DNAH3: variants seen among roughly 807,000 people sequenced by gnomAD.
DNAH3 encodes the protein axonemal beta dynein heavy chain 3.
In DNAH3, 332 loss-of-function variants were observed where a neutral mutation model predicts 432.5. That is an observed-to-expected ratio of 0.77 (90% CI 0.70 to 0.84). The LOEUF (loss-of-function observed/expected upper bound fraction) is 0.84, where lower values mean the gene tolerates loss of function less well. Ranked by LOEUF, DNAH3 falls within the 40% of genes least tolerant of loss-of-function variation. The pLI is 0.00. For missense variants in DNAH3, 4,861 were observed against 5,114.0 expected (o/e 0.95, Z 1.51); for synonymous variants, 1,956 against 1,900.2 (o/e 1.03, Z -0.76).
chr16:21,041,290 G>C (rs7206268), intron 32 of DNAH3, among the ~76,000 whole-genome samples: 48,288 of 151,912 alleles, frequency 0.32, 8,267 homozygotes, highest in South Asian at 0.48. Flanking sequence ...AGAATCACTT[G>C]AACCTGGGAG....
chr16:20,955,883 T>C (rs1038484910), intron 54 of DNAH3, among the ~76,000 whole-genome samples: 3 of 152,044 alleles, frequency 2.0e-5, no homozygotes, highest in Admixed American at 6.6e-5. Context: ...GCACATTGCA[T>C]CTGAGGCTCT....
intron 38 of DNAH3, among the ~76,000 whole-genome samples, chr16:21,026,613 A>C (rs1156610424): frequency 2.0e-5 from 3 of 149,090 alleles, no homozygotes; most frequent in African/African-American, 7.4e-5. Flanking sequence ...AGGCAGGAGA[A>C]TCGCTTGAAC....
chr16:21,126,661 T>C (rs897151171), intron 8 of DNAH3, among the ~76,000 whole-genome samples: 2 of 152,112 alleles, frequency 1.3e-5, no homozygotes, highest in Non-Finnish European at 2.9e-5. Flanking sequence ...CATGGACTGG[T>C]TGTAGGAACC....
In DNAH3 at chr16:21,113,510, G is replaced by A. The variant is rs558307597; in HGVS notation, c.1815-1412C>T. On this transcript the variant is annotated intron_variant, in intron 12 of 61. Coordinates refer to ENST00000261383, the Ensembl canonical transcript of DNAH3. ...GACTCTCACTGTAACCCAGGCTGGA[G>A]TGCAGTGCTGTGATCTCAGCTCACT... Among the ~76,000 whole-genome samples the A allele has an allele frequency of 2.2e-3, 338 of 152,238 alleles. 3 individuals carry two copies. Among genetic ancestry groups the A allele is most frequent in the African/African-American group, 8.0e-3 (333 of 41,546 alleles).
chr16:21,076,237 T>A (rs2090970803), intron 20 of DNAH3, among the ~76,000 whole-genome samples: 1 of 152,194 alleles, frequency 6.6e-6, no homozygotes, highest in African/African-American at 2.4e-5. Flanking sequence ...CCATTATAAT[T>A]GGTGACCTTA....
intron 34 of DNAH3, among the ~76,000 whole-genome samples, chr16:21,037,336 G>A (rs192668312): frequency 1.8e-4 from 28 of 152,012 alleles, no homozygotes; most frequent in African/African-American, 6.5e-4. Flanking sequence ...CAAAAAAACC[G>A]TGTAATTTCT....
At chr16:21,020,020 GC>G in intron 40 of DNAH3, 151 bp from the exon 41 acceptor site, 3 of 790,470 alleles carry the variant, frequency 3.8e-6, no homozygotes, top group Non-Finnish European at 5.7e-6. Context: ...CATTTCACAT[GC>G]ATTTTTTTTT....
intron 12 of DNAH3, among the ~76,000 whole-genome samples, chr16:21,113,442 T>C (rs778339186): frequency 1.6e-4 from 24 of 150,776 alleles, no homozygotes; most frequent in Admixed American, 4.0e-4. Context: ...GTATTAACCA[T>C]CACAGTTGTC....
chr16:21,009,980 A>G (rs1456560046), intron 41 of DNAH3, among the ~76,000 whole-genome samples: 1 of 151,938 alleles, frequency 6.6e-6, no homozygotes, highest in African/African-American at 2.4e-5. Context: ...AGAGAAGAGA[A>G]GAGAAAAGAT....
exon 48 of DNAH3, chr16:20,985,397 A>C: frequency 1.2e-6 from 2 of 1,614,144 alleles, no homozygotes; most frequent in South Asian, 1.1e-5. Flanking sequence ...GCGTTCATGA[A>C]TGTGGACAGT....
At chr16:21,085,203 AC>A (rs200588717) in intron 19 of DNAH3, among the ~76,000 whole-genome samples, 120 of 150,638 alleles carry the variant, frequency 8.0e-4, no homozygotes, top group African/African-American at 1.5e-3. Flanking sequence ...ACATAGTAAG[AC>A]CCCCCCCATC....
intron 31 of DNAH3, among the ~76,000 whole-genome samples, chr16:21,047,725 G>C (rs548259899): frequency 2.0e-5 from 3 of 152,090 alleles, no homozygotes; most frequent in Non-Finnish European, 4.4e-5. Context: ...GTGAGGAACT[G>C]CGTTCCTTTG....
intron 1 of DNAH3, among the ~76,000 whole-genome samples, chr16:21,154,921 C>T (rs1027381953): frequency 6.6e-6 from 1 of 151,018 alleles, no homozygotes; most frequent in Non-Finnish European, 1.5e-5. Context: ...ATATAGGCTT[C>T]AAGTTTCTCA....
intron 14 of DNAH3, among the ~76,000 whole-genome samples, chr16:21,110,613 C>T (rs1453274232): frequency 1.3e-5 from 2 of 152,168 alleles, no homozygotes; most frequent in Non-Finnish European, 2.9e-5. Context: ...CCCTTTTTAA[C>T]CCAAGCTAGT....
rs4783523 is a variant in DNAH3, at chr16:21,106,923, G to A, written c.2100-249C>T. Among the ~76,000 whole-genome samples, 85 of 151,830 alleles carry A rather than the reference G, an allele frequency of 5.6e-4. 1 individual carries two copies. Among genetic ancestry groups the A allele is most frequent in the Non-Finnish European group, 1.6e-4 (11 of 67,966 alleles). ...TTATGTATTAAGCCATTATGAAGTAGCACACCCCATTCTAATCATTTACAT... is the reference window on the plus strand; with the variant it reads ...TTATGTATTAAGCCATTATGAAGTAACACACCCCATTCTAATCATTTACAT... On this transcript the variant is annotated intron_variant, in intron 14 of 61. Coordinates refer to ENST00000261383, the Ensembl canonical transcript of DNAH3.
At chr16:20,941,503 A>C in exon 59 of DNAH3, 1 of 1,614,214 alleles carries the variant, frequency 6.2e-7, no homozygotes. Context: ...GTCTCTGGGA[A>C]GCTTGGAGAG....
At chr16:21,039,999 C>A in intron 32 of DNAH3, 56 bp from the exon 33 acceptor site, 2 of 1,384,024 alleles carry the variant, frequency 1.4e-6, no homozygotes, top group South Asian at 2.4e-5. Context: ...ACTGAGGGAA[C>A]GCACATTCAC....
intron 18 of DNAH3, among the ~76,000 whole-genome samples, chr16:21,095,706 A>G (rs1280606797): frequency 6.6e-6 from 1 of 152,254 alleles, no homozygotes; most frequent in Non-Finnish European, 1.5e-5. Flanking sequence ...ATTTAAAAAT[A>G]AAATGTAAAA....
At chr16:21,114,257 C>T (rs2092136507) in intron 12 of DNAH3, among the ~76,000 whole-genome samples, 1 of 152,062 alleles carries the variant, frequency 6.6e-6, no homozygotes, top group African/African-American at 2.4e-5. Context: ...AAATTCTAAG[C>T]CTAAATCTTA....
Sources: allele counts gnomAD v4.1 joint callset (sites outside exome capture counted in the v4.1 genomes callset), GRCh38; gene constraint gnomAD v4.1.1; transcripts MANE v1.5; gene names NCBI Gene and HGNC (gene_info 2026-07-23, HGNC 2026-07-21).